Variants in VPS13A observed in about 807,000 individuals in gnomAD.
VPS13A encodes vacuolar protein sorting 13 homolog A.
VPS13A carries 264 observed loss-of-function variants against 390.9 expected under a neutral mutation model. The ratio of observed to expected loss-of-function variants is 0.68; its 90% CI spans 0.61 to 0.75. VPS13A has a LOEUF of 0.75. Ranked by LOEUF, VPS13A falls within the 30% of genes least tolerant of loss-of-function variation. VPS13A has a pLI of 0.00. For missense variants in VPS13A, 3,409 were observed against 3,733.9 expected (o/e 0.91, Z 2.27); for synonymous variants, 1,231 against 1,227.1 (o/e 1.00, Z -0.07).
In VPS13A at chr9:77,244,195, A is replaced by G. The variant is rs144212696; in HGVS notation, c.1901-3064A>G. ...CAGGGCTGCAGTGAGCTATGATAGC[A>G]ACTCCTACATTCCAGCCTAAGTGAC... On this transcript the variant is annotated intron_variant, in intron 19 of 71. Transcript: ENST00000360280. Among the ~76,000 whole-genome samples the G allele has an allele frequency of 3.9e-4, 60 of 152,278 alleles. No homozygotes were observed. In the East Asian group the frequency reaches 0.01, roughly 26 times the overall value.
chr9:77,397,516 CTATTTT>C (rs1269184948), intron 68 of VPS13A, among the ~76,000 whole-genome samples: 1 of 151,996 alleles, frequency 6.6e-6, no homozygotes, highest in Non-Finnish European at 1.5e-5. Context: ...TGATTTATTC[CTATTTT>C]TAATCTTTTC....
intron 67 of VPS13A, among the ~76,000 whole-genome samples, chr9:77,371,428 A>C (rs1832740963): frequency 6.6e-6 from 1 of 152,110 alleles, no homozygotes; most frequent in Non-Finnish European, 1.5e-5. Flanking sequence ...AAGAGAAGAA[A>C]AAAGGGAACC....
intron 45 of VPS13A, among the ~76,000 whole-genome samples, chr9:77,329,722 A>G (rs2131473233): frequency 6.6e-6 from 1 of 152,336 alleles, no homozygotes; most frequent in South Asian, 2.1e-4. Context: ...ACAAACCTTT[A>G]ATTTGTAAAA....
At chr9:77,415,809 T>C (rs1835147582) in intron 71 of VPS13A, 147 bp from the exon 72 acceptor site, 2 of 866,718 alleles carry the variant, frequency 2.3e-6, no homozygotes, top group Non-Finnish European at 3.7e-6. Context: ...GTGAATGATC[T>C]CTTTTGCAGG....
At chr9:77,346,975 G>A (rs967691320) in intron 52 of VPS13A, among the ~76,000 whole-genome samples, 1 of 152,110 alleles carries the variant, frequency 6.6e-6, no homozygotes, top group Non-Finnish European at 1.5e-5. Flanking sequence ...TGTTTGTTTT[G>A]TTGAAGATAA....
chr9:77,369,481 TGTTAA>T lies in VPS13A; in HGVS notation c.8667+73_8667+77del, dbSNP rs926179478. 221 of 1,072,004 alleles carry T rather than the reference TGTTAA, an allele frequency of 2.1e-4. No individual in the cohort carries two copies. In the African/African-American group the frequency reaches 2.6e-3, roughly 12 times the overall value. The allele number at this position is 1,072,004 out of a possible 1,614,324, so 66.4% of individuals were successfully genotyped here. A position where few individuals can be genotyped will look rare whatever the true frequency, so the allele number is the denominator to read the frequency against. On this transcript the variant is annotated intron_variant, in intron 63 of 71. Coordinates refer to ENST00000360280, the MANE Select transcript of VPS13A (RefSeq NM_033305.3). ...TTTTGAATAGATAATACTTTTCTAT[TGTTAA>T]GTTGAGTTAATAAGTGCAAACAGAT... is the stretch of plus-strand genomic sequence containing the variant.
At chr9:77,405,741 A>G in intron 69 of VPS13A, 123 bp from the exon 70 acceptor site, 2 of 1,253,380 alleles carry the variant, frequency 1.6e-6, no homozygotes, top group South Asian at 1.3e-5. Flanking sequence ...CATTAAGAAT[A>G]TAGAATATAG....
intron 7 of VPS13A, 32 bp from the exon 8 acceptor site, chr9:77,212,937 T>A (rs908278736): frequency 6.2e-7 from 1 of 1,611,204 alleles, no homozygotes; most frequent in Non-Finnish European, 8.5e-7. Context: ...TGGAATGACC[T>A]TTTTACTGCC....
At chr9:77,276,949 A>G (rs1396677248) in intron 26 of VPS13A, among the ~76,000 whole-genome samples, 3 of 152,212 alleles carry the variant, frequency 2.0e-5, no homozygotes, top group Non-Finnish European at 4.4e-5. Flanking sequence ...CCCTTTTGCC[A>G]TATGAGTTAA....
At chr9:77,403,784 G>A (rs1036141927) in intron 69 of VPS13A, among the ~76,000 whole-genome samples, 18 of 152,292 alleles carry the variant, frequency 1.2e-4, no homozygotes, top group African/African-American at 4.3e-4. Context: ...AGGGGTACAT[G>A]TAAAAATACA....
In VPS13A at chr9:77,370,303, G is replaced by T; in HGVS notation, c.8714G>T (p.Gly2905Val). Reference protein sequence around the residue: ...PEEFVEGMALGLKALVGGAVG... With the variant: ...PEEFVEGMALVLKALVGGAVG... The stretch of plus-strand genomic sequence containing the variant: ...GAGTTTGTGGAAGGAATGGCACTAG[G>T]ACTTAAGGCACTAGTTGGTGGAGCT... Residue 2905 changes from glycine to valine, a missense_variant, in exon 64 of 72, where the codon GGA becomes GTA. This residue lies in a region of VPS13A where 318 missense variants were observed against 333.7 expected (regional missense o/e 0.95). Transcript: ENST00000360280. The T allele has an allele frequency of 6.2e-7, 1 of 1,614,142 alleles. No homozygotes were observed. The highest frequency in any genetic ancestry group is 1.1e-5 in the South Asian group (1 of 91,076).
intron 68 of VPS13A, among the ~76,000 whole-genome samples, chr9:77,400,022 A>G (rs752544351): frequency 6.6e-6 from 1 of 152,162 alleles, no homozygotes; most frequent in African/African-American, 2.4e-5. Context: ...AATTTATTTA[A>G]CCAGTACCCT....
intron 52 of VPS13A, among the ~76,000 whole-genome samples, chr9:77,346,630 T>C (rs1831169586): frequency 6.6e-6 from 1 of 152,362 alleles, no homozygotes; most frequent in South Asian, 2.1e-4. Flanking sequence ...TCCAGTATTA[T>C]CTTCTAGAAT....
At chr9:77,232,029 T>C (rs1229356701) in intron 17 of VPS13A, among the ~76,000 whole-genome samples, 1 of 152,228 alleles carries the variant, frequency 6.6e-6, no homozygotes, top group African/African-American at 2.4e-5. Flanking sequence ...TGAACACTCC[T>C]GGTACCATTG....
chr9:77,272,771 A>G (rs867626266), intron 23 of VPS13A, among the ~76,000 whole-genome samples: 2 of 152,182 alleles, frequency 1.3e-5, no homozygotes, highest in Non-Finnish European at 2.9e-5. Flanking sequence ...AGGATGTGGT[A>G]ATGTTTTATT....
At chr9:77,371,172 T>C (rs1255821413) in intron 67 of VPS13A, 23 bp downstream of exon 67, 2 of 1,613,504 alleles carry the variant, frequency 1.2e-6, no homozygotes, top group African/African-American at 2.7e-5. Context: ...TGGTGTAAGA[T>C]ATGAGTTAAA....
intron 44 of VPS13A, among the ~76,000 whole-genome samples, chr9:77,322,208 T>A (rs947482955): frequency 2.6e-5 from 4 of 151,692 alleles, no homozygotes; most frequent in African/African-American, 7.3e-5. Flanking sequence ...TTTTTTTTTT[T>A]ATGTTCTGCC....
intron 1 of VPS13A, among the ~76,000 whole-genome samples, chr9:77,188,242 A>G (rs1024980380): frequency 1.2e-4 from 18 of 152,174 alleles, no homozygotes; most frequent in Admixed American, 1.0e-3. Context: ...AGCTTGCAGA[A>G]CCATGAGCCA....
intron 26 of VPS13A, among the ~76,000 whole-genome samples, chr9:77,276,855 A>G (rs545507803): frequency 6.6e-6 from 1 of 152,314 alleles, no homozygotes; most frequent in East Asian, 1.9e-4. Flanking sequence ...TTCCACTCTT[A>G]AAACTCCAGT....
Sources: gnomAD v4.1 joint callset for allele counts (sites outside exome capture counted in the v4.1 genomes callset) on GRCh38, gnomAD v4.1.1 for gene constraint, gnomAD v4.1.1 regional missense constraint, MANE v1.5 for transcripts, NCBI Gene and HGNC (gene_info 2026-07-23, HGNC 2026-07-21) for gene names.